Variants in RNF180 observed in about 807,000 individuals in gnomAD.
RNF180 encodes the protein ring finger protein 180.
Under a neutral mutation model 59.2 loss-of-function variants are expected in RNF180, and 38 were observed. The observed-to-expected ratio is 0.64, with a 90% CI of 0.50 to 0.84. The LOEUF is 0.84. Among genes scored for constraint, RNF180 ranks in the 40% least tolerant of loss-of-function variants. The probability of loss-of-function intolerance (pLI) is 0.00; values close to 1 mark genes in which losing one functional copy is unlikely to be tolerated. For missense variants in RNF180, 705 were observed against 700.9 expected, an observed-to-expected ratio of 1.01 and a Z score of -0.07; for synonymous variants, 262 against 240.3, an observed-to-expected ratio of 1.09 and a Z score of -0.84.
chr5:64,365,478 G>T (rs1184521966), intron 7 of RNF180, among the ~76,000 whole-genome samples: 1 of 151,700 alleles, frequency 6.6e-6, no homozygotes, highest in Non-Finnish European at 1.5e-5. Flanking sequence ...ATATTCTGTT[G>T]TTTGGGGGTT....
intron 5 of RNF180, among the ~76,000 whole-genome samples, chr5:64,276,321 T>TGG (rs1561233332): frequency 3.7e-4 from 30 of 81,486 alleles, no homozygotes; most frequent in Admixed American, 9.3e-4. Context: ...AATACATTGG[T>TGG]GTGTGTGTGT....
chr5:64,350,903 G>A (rs1335222746), intron 7 of RNF180, among the ~76,000 whole-genome samples: 6 of 152,040 alleles, frequency 3.9e-5, no homozygotes, highest in South Asian at 2.1e-4. Context: ...CTCTTTTTTG[G>A]TTCTATATGA....
At chr5:64,353,376 T>C (rs938653190) in intron 7 of RNF180, among the ~76,000 whole-genome samples, 2 of 151,810 alleles carry the variant, frequency 1.3e-5, no homozygotes, top group Non-Finnish European at 2.9e-5. Context: ...AGATTGTATT[T>C]ACCTCAATCT....
chr5:64,242,722 A>G (rs1351624036), intron 5 of RNF180, among the ~76,000 whole-genome samples: 1 of 152,226 alleles, frequency 6.6e-6, no homozygotes, highest in African/African-American at 2.4e-5. Flanking sequence ...GGAAAGACAA[A>G]GATCTCGAAT....
chr5:64,303,418 C>A (rs1280122278), intron 5 of RNF180, among the ~76,000 whole-genome samples: 1 of 151,458 alleles, frequency 6.6e-6, no homozygotes, highest in Non-Finnish European at 1.5e-5. Flanking sequence ...GCCTCTTGCA[C>A]CAAATAGTTA....
intron 7 of RNF180, among the ~76,000 whole-genome samples, chr5:64,360,110 T>C (rs942487333): frequency 1.3e-5 from 2 of 151,876 alleles, no homozygotes; most frequent in African/African-American, 2.4e-5. Flanking sequence ...ATTGACTTGG[T>C]TATGCGGGCT....
chr5:64,327,184 C>T (rs910321646), intron 6 of RNF180, among the ~76,000 whole-genome samples: 6 of 151,560 alleles, frequency 4.0e-5, no homozygotes, highest in South Asian at 4.2e-4. Flanking sequence ...GTCTTTTTTT[C>T]TTAGTCTAGC....
At chr5:64,352,778 G>A (rs1003237909) in intron 7 of RNF180, among the ~76,000 whole-genome samples, 1 of 151,956 alleles carries the variant, frequency 6.6e-6, no homozygotes, top group Non-Finnish European at 1.5e-5. Flanking sequence ...GGCTACTGAA[G>A]GAAGATTTTT....
chr5:64,334,074 A>T (rs1379049821), intron 7 of RNF180, among the ~76,000 whole-genome samples: 4 of 152,194 alleles, frequency 2.6e-5, no homozygotes, highest in African/African-American at 9.7e-5. Flanking sequence ...GGGCAGAAGT[A>T]AGGATTCACT....
intron 5 of RNF180, among the ~76,000 whole-genome samples, chr5:64,283,890 C>T (rs1479500115): frequency 6.6e-6 from 1 of 152,110 alleles, no homozygotes; most frequent in African/African-American, 2.4e-5. Context: ...ACATTTGATC[C>T]TATCATTGTG....
intron 1 of RNF180, among the ~76,000 whole-genome samples, chr5:64,183,340 T>A (rs1750707010): frequency 6.6e-6 from 1 of 152,012 alleles, no homozygotes; most frequent in Admixed American, 6.6e-5. Context: ...ATAATATTAA[T>A]GCTTTGATTT....
chr5:64,361,505 A>G (rs567145005), intron 7 of RNF180, among the ~76,000 whole-genome samples: 11 of 151,596 alleles, frequency 7.3e-5, no homozygotes, highest in Admixed American at 5.9e-4. Flanking sequence ...TCAATTCTTC[A>G]GATTCCTTGA....
Position 64,360,264 on chromosome 5 carries a change from G to A in RNF180, c.1580-9351G>A, listed in dbSNP as rs149326849. The stretch of plus-strand genomic sequence containing the variant: ...TCACAATATTGATTCTTCAATATAC[G>A]CAAATCAATAAATGTAATCCAGCAT... On this transcript the variant is annotated intron_variant, in intron 7 of 7. Coordinates refer to ENST00000389100, the MANE Select transcript of RNF180 (RefSeq NM_001113561.2). Among the ~76,000 whole-genome samples, 1,460 of 150,108 alleles carry A rather than the reference G, an allele frequency of 9.7e-3. 23 individuals are homozygous for A. Among genetic ancestry groups the A allele is most frequent in the African/African-American group, 0.032 (1,302 of 41,226 alleles).
chr5:64,214,829 A>G (rs904999503), intron 4 of RNF180, among the ~76,000 whole-genome samples: 5 of 152,172 alleles, frequency 3.3e-5, no homozygotes. Context: ...TGTATGACAT[A>G]TTAGGATTGT....
intron 5 of RNF180, among the ~76,000 whole-genome samples, chr5:64,227,129 C>T (rs752671869): frequency 9.2e-5 from 14 of 152,170 alleles, no homozygotes; most frequent in East Asian, 1.9e-4. Flanking sequence ...CTGGAGGCAG[C>T]GGCCACAAAC....
intron 7 of RNF180, among the ~76,000 whole-genome samples, chr5:64,337,291 G>C (rs1055382562): frequency 3.2e-4 from 49 of 152,048 alleles, no homozygotes; most frequent in Admixed American, 2.1e-3. Context: ...TTACAGGCAT[G>C]AGCCACCCTG....
chr5:64,262,509 C>G (rs1188596166), intron 5 of RNF180, among the ~76,000 whole-genome samples: 1 of 152,018 alleles, frequency 6.6e-6, no homozygotes, highest in South Asian at 2.1e-4. Flanking sequence ...GGCATAGAGT[C>G]CAAACTACCA....
At chr5:64,327,213 G>GT (rs1744686222) in intron 6 of RNF180, among the ~76,000 whole-genome samples, 1 of 151,674 alleles carries the variant, frequency 6.6e-6, no homozygotes, top group Admixed American at 6.6e-5. Flanking sequence ...TGTCAATTTG[G>GT]TTTATCTTTC....
chr5:64,284,683 A>G (rs998292085), intron 5 of RNF180, among the ~76,000 whole-genome samples: 1 of 152,172 alleles, frequency 6.6e-6, no homozygotes, highest in Non-Finnish European at 1.5e-5. Context: ...CTATCAGATC[A>G]GTTTGGTTCT....
Sources: allele counts gnomAD v4.1 joint callset (sites outside exome capture counted in the v4.1 genomes callset), GRCh38; gene constraint gnomAD v4.1.1; transcripts MANE v1.5; gene names NCBI Gene and HGNC (gene_info 2026-07-23, HGNC 2026-07-21).